PIP4K2A: variants seen among roughly 807,000 people sequenced by gnomAD.
PIP4K2A encodes phosphatidylinositol 5-phosphate 4-kinase type-2 alpha.
PIP4K2A carries 14 observed loss-of-function variants against 42.9 expected under a neutral mutation model. The observed-to-expected ratio is 0.33, with a 90% CI of 0.22 to 0.51. The LOEUF is 0.51. PIP4K2A is among the 20% of genes least tolerant of loss of function. The pLI is 0.97. For missense variants in PIP4K2A, 434 were observed against 519.8 expected, an observed-to-expected ratio of 0.83 and a Z score of 1.61; for synonymous variants, 192 against 192.2, an observed-to-expected ratio of 1.00 and a Z score of 0.01.
At chr10:22,609,817 G>C (rs1335224823) in intron 1 of PIP4K2A, 100 bp from the exon 2 acceptor site, 1 of 679,088 alleles carries the variant, frequency 1.5e-6, no homozygotes, top group African/African-American at 1.8e-5. Flanking sequence ...GTGGACACAG[G>C]AACTTCTCTT....
intron 6 of PIP4K2A, among the ~76,000 whole-genome samples, chr10:22,555,340 G>A (rs896917280): frequency 3.9e-5 from 6 of 152,196 alleles, no homozygotes; most frequent in African/African-American, 1.2e-4. Flanking sequence ...CAAACATAGG[G>A]TTGTGAGGGT....
chr10:22,618,182 T>C (rs1291254343), intron 1 of PIP4K2A, among the ~76,000 whole-genome samples: 1 of 152,114 alleles, frequency 6.6e-6, no homozygotes, highest in Non-Finnish European at 1.5e-5. Flanking sequence ...ACATTACAGA[T>C]AAAAATCTCT....
In PIP4K2A at chr10:22,561,565, G is replaced by GTTTTTTTTTTTTTTTTTTTTTTTTTTT. The variant is rs71394001; in HGVS notation, c.678+6285_678+6286insAAAAAAAAAAAAAAAAAAAAAAAAAAA. Among the ~76,000 whole-genome samples, 45 of 113,500 alleles carry GTTTTTTTTTTTTTTTTTTTTTTTTTTT rather than the reference G, an allele frequency of 4.0e-4. 22 individuals carry two copies. The highest frequency in any genetic ancestry group is 5.3e-4 in the South Asian group (2 of 3,784). 74.5% of individuals were successfully genotyped at this position (113,500 alleles called of 152,430 possible). A position where few individuals can be genotyped will look rare whatever the true frequency, so the allele number is the denominator to read the frequency against. ...TATGTCACCAGAGATTCTCTACGCA[G>GTTTTTTTTTTTTTTTTTTTTTTTTTTT]TTTTTTTTTTTTTTTTTTTTTTTTT... On this transcript the variant is annotated intron_variant, in intron 6 of 9. Transcript: ENST00000376573.
chr10:22,578,688 T>C (rs374247884), intron 4 of PIP4K2A, among the ~76,000 whole-genome samples: 2 of 152,184 alleles, frequency 1.3e-5, no homozygotes, highest in African/African-American at 2.4e-5. Flanking sequence ...CCCAAACTTA[T>C]GATTCTCAGT....
At chr10:22,554,668 T>C (rs889839064) in intron 6 of PIP4K2A, among the ~76,000 whole-genome samples, 1 of 152,018 alleles carries the variant, frequency 6.6e-6, no homozygotes, top group East Asian at 1.9e-4. Flanking sequence ...GCGGGCCGAG[T>C]CTTTATTTGC....
At chr10:22,557,286 T>C (rs1207625131) in intron 6 of PIP4K2A, among the ~76,000 whole-genome samples, 1 of 152,234 alleles carries the variant, frequency 6.6e-6, no homozygotes, top group Non-Finnish European at 1.5e-5. Flanking sequence ...GATGCAGCAC[T>C]GTTTGCTTCC....
intron 1 of PIP4K2A, among the ~76,000 whole-genome samples, chr10:22,680,960 C>A (rs190541195): frequency 1.3e-5 from 2 of 152,064 alleles, no homozygotes; most frequent in African/African-American, 2.4e-5. Flanking sequence ...CCTATTCAGG[C>A]GAGAAAATAG....
intron 1 of PIP4K2A, among the ~76,000 whole-genome samples, chr10:22,655,785 G>C (rs1315781682): frequency 6.6e-6 from 1 of 152,178 alleles, no homozygotes; most frequent in African/African-American, 2.4e-5. Context: ...TTTATTGACT[G>C]TTGCTGAAGC....
intron 1 of PIP4K2A, among the ~76,000 whole-genome samples, chr10:22,685,852 C>G (rs1839754444): frequency 2.6e-5 from 4 of 152,224 alleles, no homozygotes; most frequent in Admixed American, 2.6e-4. Context: ...GGTCAGCAGA[C>G]AACACCTCCA....
intron 1 of PIP4K2A, among the ~76,000 whole-genome samples, chr10:22,678,975 A>T (rs533141016): frequency 9.8e-5 from 15 of 152,370 alleles, no homozygotes; most frequent in African/African-American, 3.6e-4. Flanking sequence ...AGTGTAAGAT[A>T]AATGAATAAA....
chr10:22,599,257 T>C (rs1439292355), intron 3 of PIP4K2A, among the ~76,000 whole-genome samples: 1 of 152,226 alleles, frequency 6.6e-6, no homozygotes, highest in Non-Finnish European at 1.5e-5. Flanking sequence ...CCACAATCAT[T>C]TTTAGAGCAT....
At chr10:22,582,229 G>C (rs1037883270) in intron 4 of PIP4K2A, among the ~76,000 whole-genome samples, 4 of 151,982 alleles carry the variant, frequency 2.6e-5, no homozygotes, top group African/African-American at 7.3e-5. Context: ...GTAATGCAAT[G>C]ATAAATTAGA....
chr10:22,693,232 G>A (rs565028630), intron 1 of PIP4K2A, among the ~76,000 whole-genome samples: 1 of 152,266 alleles, frequency 6.6e-6, no homozygotes, highest in Non-Finnish European at 1.5e-5. Context: ...AACCAGGACT[G>A]TGAAAAATTT....
intron 5 of PIP4K2A, among the ~76,000 whole-genome samples, chr10:22,572,477 G>A (rs975424201): frequency 6.6e-5 from 10 of 152,146 alleles, no homozygotes; most frequent in African/African-American, 2.4e-4. Flanking sequence ...AATTAGCTGA[G>A]CATGGTGGTG....
At chr10:22,539,892 A>AGAGG (rs1836049898) in intron 9 of PIP4K2A, 79 bp downstream of exon 9, 2 of 629,482 alleles carry the variant, frequency 3.2e-6, no homozygotes, top group Non-Finnish European at 5.5e-6. Flanking sequence ...GCCAGGAGAG[A>AGAGG]GAGAGAGAGA....
intron 1 of PIP4K2A, chr10:22,694,601 TGTCA>T (rs1839933844): frequency 6.6e-6 from 1 of 152,198 alleles, no homozygotes; most frequent in Non-Finnish European, 1.5e-5. Flanking sequence ...CACAAGTGGC[TGTCA>T]GTAATACCTG....
chr10:22,666,955 GA>G (rs1333435004), intron 1 of PIP4K2A, among the ~76,000 whole-genome samples: 1 of 152,174 alleles, frequency 6.6e-6, no homozygotes, highest in Non-Finnish European at 1.5e-5. Flanking sequence ...AAGGGCAGGT[GA>G]ATCTATTCAC....
At chr10:22,594,126 G>C (rs768683068) in intron 3 of PIP4K2A, among the ~76,000 whole-genome samples, 2 of 152,156 alleles carry the variant, frequency 1.3e-5, no homozygotes, top group South Asian at 4.2e-4. Context: ...TGCTGGAGTG[G>C]GTCTGCAGAC....
At chr10:22,663,533 C>G (rs780884058) in intron 1 of PIP4K2A, among the ~76,000 whole-genome samples, 1 of 152,014 alleles carries the variant, frequency 6.6e-6, no homozygotes, top group Non-Finnish European at 1.5e-5. Context: ...TGTAAACTGA[C>G]AAATGTATGT....
Sources: allele counts gnomAD v4.1 joint callset (sites outside exome capture counted in the v4.1 genomes callset), GRCh38; gene constraint gnomAD v4.1.1; transcripts MANE v1.5; gene names NCBI Gene and HGNC (gene_info 2026-07-23, HGNC 2026-07-21).